The following SBF2 variants were observed in gnomAD, a reference collection of about 807,000 sequenced individuals.
SBF2 encodes the protein myotubularin-related protein 13.
Under a neutral mutation model 225.2 loss-of-function variants are expected in SBF2, and 112 were observed. That is an observed-to-expected ratio of 0.50 (90% CI 0.43 to 0.58). The LOEUF (loss-of-function observed/expected upper bound fraction) is 0.58. SBF2 is among the 20% of genes least tolerant of loss of function. SBF2 has a pLI of 0.00. For synonymous variants in SBF2, 763 were observed against 773.3 expected, an observed-to-expected ratio of 0.99 and a Z score of 0.22; for missense variants, 1,996 against 2,206.2, an observed-to-expected ratio of 0.90 and a Z score of 1.91.
chr11:9,905,245 T>C (rs777567305), intron 16 of SBF2, among the ~76,000 whole-genome samples: 7 of 152,238 alleles, frequency 4.6e-5, no homozygotes, highest in Non-Finnish European at 1.0e-4. Flanking sequence ...TATTTACTTG[T>C]ATGTCTCTTC....
chr11:10,213,007 C>T (rs889975556), intron 1 of SBF2, among the ~76,000 whole-genome samples: 3 of 151,932 alleles, frequency 2.0e-5, no homozygotes, highest in African/African-American at 7.3e-5. Flanking sequence ...TAAGATCTCA[C>T]CACTGCACTT....
intron 2 of SBF2, among the ~76,000 whole-genome samples, chr11:10,057,915 C>T (rs1469672336): frequency 6.6e-6 from 1 of 152,146 alleles, no homozygotes; most frequent in Non-Finnish European, 1.5e-5. Flanking sequence ...ACTAACATAT[C>T]CCCCTCTAAA....
At chr11:10,107,443 T>C (rs1429082145) in intron 2 of SBF2, among the ~76,000 whole-genome samples, 1 of 152,214 alleles carries the variant, frequency 6.6e-6, no homozygotes, top group Non-Finnish European at 1.5e-5. Context: ...GGTAAAATTC[T>C]ATACAATACA....
chr11:9,890,920 G>A (rs1322906198), intron 17 of SBF2, among the ~76,000 whole-genome samples: 1 of 152,084 alleles, frequency 6.6e-6, no homozygotes, highest in East Asian at 1.9e-4. Flanking sequence ...GATCACCTGA[G>A]GTCAGGAGTT....
chr11:9,885,196 A>G (rs1860162626), intron 17 of SBF2, among the ~76,000 whole-genome samples: 2 of 134,802 alleles, frequency 1.5e-5, no homozygotes, highest in African/African-American at 5.6e-5. Context: ...GGCTGCAGTG[A>G]GCTCAGATTG....
chr11:9,977,429 A>G (rs1008457109), intron 13 of SBF2, among the ~76,000 whole-genome samples: 5 of 151,786 alleles, frequency 3.3e-5, no homozygotes, highest in African/African-American at 1.2e-4. Flanking sequence ...CAAGGTTGCA[A>G]TGAGCTATGA....
rs189240996 is a variant in SBF2 at position 9,967,549 on chromosome 11, G to A, written c.1600+792C>T. The stretch of plus-strand genomic sequence containing the variant: ...AGACAGAAAGTAGATTACTGTATAA[G>A]GCTGGGGAGAAGGTGGTTTGGGGAG... On this transcript the variant is annotated intron_variant, in intron 14 of 39. Coordinates refer to ENST00000256190, the MANE Select transcript of SBF2 (RefSeq NM_030962.4). Among the ~76,000 whole-genome samples the A allele has an allele frequency of 5.1e-4, 78 of 152,278 alleles. No individual in the cohort carries two copies. In the East Asian group the frequency reaches 0.01, roughly 20 times the overall value.
rs138307951 is a variant in SBF2 at position 10,180,353 on chromosome 11, G to C, written c.141+13549C>G. On this transcript the variant is annotated intron_variant, in intron 2 of 39. Transcript: ENST00000256190. Reference sequence around the variant, plus strand: ...TATTTTTGCTAGATATACTATGCTAGGATAAAAGCCTCTTTCCTTCAGCAC... The same window carrying C: ...TATTTTTGCTAGATATACTATGCTACGATAAAAGCCTCTTTCCTTCAGCAC... Among the ~76,000 whole-genome samples the C allele has an allele frequency of 1.5e-3, 227 of 152,122 alleles. 2 individuals are homozygous for C. The highest frequency in any genetic ancestry group is 1.4e-3 in the Non-Finnish European group (92 of 67,970).
chr11:9,945,500 G>A (rs528869903), intron 16 of SBF2, among the ~76,000 whole-genome samples: 69 of 152,242 alleles, frequency 4.5e-4, no homozygotes, highest in African/African-American at 1.6e-3. Flanking sequence ...AACCCTAGAA[G>A]AAAATCTAGG....
At chr11:10,244,118 T>C (rs910229677) in intron 1 of SBF2, among the ~76,000 whole-genome samples, 3 of 152,180 alleles carry the variant, frequency 2.0e-5, no homozygotes, top group African/African-American at 7.2e-5. Context: ...GACGTAAACA[T>C]AGGCCAATAT....
Position 9,852,715 on chromosome 11 carries a change from T to A in SBF2, c.2571A>T (p.Ala857=). The change falls in exon 21 of 40, where the codon GCA becomes GCT. Residue 857 remains alanine (A), a synonymous_variant. Transcript: ENST00000256190. ...IVAMHIETLE[A]VHRESRRLPP... is the part of the protein sequence containing the mutation. ...GAAGTCTTCTGCTTTCTCGATGTAC[T>A]GCTTCTAGGGTCTCAATGTGCATAG... The A allele has an allele frequency of 6.2e-7, 1 of 1,613,548 alleles. No homozygotes were observed. The highest frequency in any genetic ancestry group is 8.5e-7 in the Non-Finnish European group (1 of 1,179,524).
intron 39 of SBF2, 39 bp from the exon 40 acceptor site, chr11:9,780,555 A>AGGGCTGTTTTATGGATTT (rs750606156): frequency 2.6e-6 from 4 of 1,566,168 alleles, no homozygotes; most frequent in Middle Eastern, 1.7e-4. Flanking sequence ...GATGAAGGGC[A>AGGGCTGTTTTATGGATTT]GGGCTGTTTT....
At chr11:9,899,308 A>G (rs572957321) in intron 16 of SBF2, among the ~76,000 whole-genome samples, 1 of 149,694 alleles carries the variant, frequency 6.7e-6, no homozygotes, top group Non-Finnish European at 1.5e-5. Context: ...AGCCTGGGCA[A>G]TATAGGGTGA....
intron 1 of SBF2, among the ~76,000 whole-genome samples, chr11:10,292,328 T>TG (rs564143678): frequency 4.9e-4 from 75 of 152,244 alleles, no homozygotes; most frequent in African/African-American, 1.7e-3. Flanking sequence ...CTCAAATTGT[T>TG]GGGGGGCGGG....
intron 18 of SBF2, among the ~76,000 whole-genome samples, chr11:9,857,153 T>A (rs360167): frequency 0.83 from 126,316 of 152,010 alleles, 52,792 homozygotes; most frequent in Non-Finnish European, 0.87. Context: ...AACATAAACA[T>A]AACATAACAA....
rs912931325 is a variant in SBF2 at position 9,930,273 on chromosome 11, T to C, written c.1860+31684A>G. ...ACCAACCTAATATTTATACAATATA[T>C]AACAGTACTATTCACCATTAAAAAG... On this transcript the variant is annotated intron_variant, in intron 16 of 39. Transcript: ENST00000256190. Among the ~76,000 whole-genome samples, 6 of 152,318 alleles carry C rather than the reference T, an allele frequency of 3.9e-5. No homozygotes were observed. The East Asian group carries it at 9.6e-4, about 24-fold the overall frequency.
chr11:10,122,177 T>C (rs1341029320), intron 2 of SBF2, among the ~76,000 whole-genome samples: 2 of 152,190 alleles, frequency 1.3e-5, no homozygotes, highest in African/African-American at 2.4e-5. Flanking sequence ...ACCCATGACA[T>C]TGTGAAGAAG....
In SBF2 at chr11:10,194,087, G is replaced by A. The variant is rs551032432; in HGVS notation, c.56-100C>T. 116 of 850,542 alleles carry A rather than the reference G, an allele frequency of 1.4e-4. No individual in the cohort carries two copies. The African/African-American group carries it at 1.7e-3, about 12-fold the overall frequency. 52.7% of individuals were successfully genotyped at this position (850,542 alleles called of 1,614,324 possible). A position where few individuals can be genotyped will look rare whatever the true frequency, so the allele number is the denominator to read the frequency against. On this transcript the variant is annotated intron_variant, in intron 1 of 39. Coordinates refer to ENST00000256190, the MANE Select transcript of SBF2 (RefSeq NM_030962.4). ...TTCTAAATGAATATTTGGTAAATAAGTTAATAAACTGATTAAACATTTTCA... is the reference window on the plus strand; with the variant it reads ...TTCTAAATGAATATTTGGTAAATAAATTAATAAACTGATTAAACATTTTCA...
chr11:9,918,593 A>G (rs1863312688), intron 16 of SBF2, among the ~76,000 whole-genome samples: 1 of 152,090 alleles, frequency 6.6e-6, no homozygotes, highest in African/African-American at 2.4e-5. Context: ...ACTGGTCTCA[A>G]TTCCTGGGCT....
Sources: gnomAD v4.1 joint callset for allele counts (sites outside exome capture counted in the v4.1 genomes callset) on GRCh38, gnomAD v4.1.1 for gene constraint, MANE v1.5 for transcripts, NCBI Gene and HGNC (gene_info 2026-07-23, HGNC 2026-07-21) for gene names.